The following KYAT1 variants were observed in gnomAD, a reference collection of about 807,000 sequenced individuals.
The protein encoded by KYAT1 is kynurenine--oxoglutarate transaminase 1.
KYAT1 carries 47 observed loss-of-function variants against 52.4 expected under a neutral mutation model. That is an observed-to-expected ratio of 0.90 (90% CI 0.71 to 1.14). KYAT1 has a LOEUF of 1.14. Ranked by LOEUF, KYAT1 falls within the 50% of genes most tolerant of loss-of-function variation. The pLI is 0.00. For missense variants in KYAT1, 480 were observed against 557.9 expected (o/e 0.86, Z 1.41); for synonymous variants, 212 against 209.6 (o/e 1.01, Z -0.10).
intron 1 of KYAT1, among the ~76,000 whole-genome samples, chr9:128,861,116 C>A (rs1486661053): frequency 6.6e-6 from 1 of 152,226 alleles, no homozygotes; most frequent in Non-Finnish European, 1.5e-5. Context: ...GTGATATCTG[C>A]CAAACGCAAT....
At chr9:128,875,443 G>A (rs555684983) in intron 1 of KYAT1, among the ~76,000 whole-genome samples, 44 of 151,580 alleles carry the variant, frequency 2.9e-4, no homozygotes, top group Non-Finnish European at 5.9e-4. Context: ...GTGAAACCGC[G>A]TCTCTACAAA....
intron 1 of KYAT1, chr9:128,846,734 T>G (rs947337249): frequency 2.0e-6 from 3 of 1,535,292 alleles, no homozygotes; most frequent in African/African-American, 1.4e-5. Context: ...TCAGAATCCC[T>G]TCAGCAGCAG....
chr9:128,858,795 G>A (rs1161879575), intron 1 of KYAT1, among the ~76,000 whole-genome samples: 2 of 151,770 alleles, frequency 1.3e-5, no homozygotes, highest in Non-Finnish European at 2.9e-5. Context: ...ATCACTTGAG[G>A]TCAGGAGTTT....
intron 1 of KYAT1, among the ~76,000 whole-genome samples, chr9:128,873,058 A>G (rs1402852069): frequency 6.7e-6 from 1 of 150,202 alleles, no homozygotes; most frequent in African/African-American, 2.5e-5. Context: ...CCTGGGTGAC[A>G]GAGTGAGACT....
Position 128,833,407 on chromosome 9 carries a change from G to A in KYAT1, c.*177C>T. On this transcript the variant is annotated 3_prime_UTR_variant, in exon 13 of 13. Transcript: ENST00000302586. ...CTCACCTTTCAGACAGGAGGCACTT[G>A]GTTCTCTAAGATGAAGAAGGGCGGC... 1.5e-6 allele frequency: 1 copy of A among 675,484 alleles called. No homozygotes were observed. Among genetic ancestry groups the A allele is most frequent in the South Asian group, 1.8e-5 (1 of 56,094 alleles). The allele number at this position is 675,484 out of a possible 1,614,324, so 41.8% of individuals were successfully genotyped here. A position where few individuals can be genotyped will look rare whatever the true frequency, so the allele number is the denominator to read the frequency against.
In KYAT1 at chr9:128,838,340, C is replaced by T; in HGVS notation, c.229G>A (p.Ala77Thr). Residue 77 changes from alanine (A) to threonine (T), a missense_variant, in exon 4 of 13, where the codon GCA (alanine) becomes ACA (threonine). Transcript: ENST00000302586. Reference sequence around the variant, plus strand: ...CCCAGCAGCTCCCCAAAGAAACTTGCCAGGATCTTCGTCAGTGGTGGGTAA... The same window carrying T: ...CCCAGCAGCTCCCCAAAGAAACTTGTCAGGATCTTCGTCAGTGGTGGGTAA... ...FGYPPLTKIL[A>T]SFFGELLGQE... 1 of 1,614,130 alleles carries T rather than the reference C, an allele frequency of 6.2e-7. No homozygotes were observed. The highest frequency in any genetic ancestry group is 8.5e-7 in the Non-Finnish European group (1 of 1,180,018).
At chr9:128,857,980 G>C (rs1834898943) in intron 1 of KYAT1, among the ~76,000 whole-genome samples, 1 of 152,072 alleles carries the variant, frequency 6.6e-6, no homozygotes, top group Admixed American at 6.6e-5. Context: ...AAATAAACTG[G>C]ACCTCATCAA....
intron 1 of KYAT1, among the ~76,000 whole-genome samples, chr9:128,854,541 C>T (rs1002074185): frequency 6.6e-6 from 1 of 152,178 alleles, no homozygotes; most frequent in African/African-American, 2.4e-5. Flanking sequence ...CCGACCTGGG[C>T]CCAGCTAAAG....
At chr9:128,863,459 C>T (rs986061263) in intron 1 of KYAT1, among the ~76,000 whole-genome samples, 2 of 151,630 alleles carry the variant, frequency 1.3e-5, no homozygotes, top group African/African-American at 4.8e-5. Context: ...ATAACAACAC[C>T]CTTTCTCTAC....
intron 1 of KYAT1, among the ~76,000 whole-genome samples, chr9:128,861,827 C>G (rs1418266600): frequency 6.6e-6 from 1 of 152,216 alleles, no homozygotes; most frequent in African/African-American, 2.4e-5. Context: ...TGCCCTCTGC[C>G]TGTTCTATGA....
rs1367003595 is a variant in KYAT1 at position 128,837,005 on chromosome 9, C to T, written c.568-83G>A. On this transcript the variant is annotated intron_variant, in intron 6 of 12. Coordinates refer to ENST00000302586, the MANE Select transcript of KYAT1 (RefSeq NM_004059.5). Reference sequence around the variant, plus strand: ...GCCTACTCAGAGAGGTTAAAGAACACAGCTGCGGCCAGGTGCGGTGGCTCA... The same window carrying T: ...GCCTACTCAGAGAGGTTAAAGAACATAGCTGCGGCCAGGTGCGGTGGCTCA... 6 of 1,526,924 alleles carry T rather than the reference C, an allele frequency of 3.9e-6. No homozygotes were observed. The African/African-American group carries it at 4.1e-5, about 10-fold the overall frequency. The allele number at this position is 1,526,924 out of a possible 1,614,324, so 94.6% of individuals were successfully genotyped here. A position where few individuals can be genotyped will look rare whatever the true frequency, so the allele number is the denominator to read the frequency against.
At position 128,843,661 on chromosome 9, in the gene KYAT1, C is replaced by T. The variant is rs35346623; in HGVS notation, c.54-860G>A. On this transcript the variant is annotated intron_variant, in intron 2 of 12. Transcript: ENST00000302586. ...CCTCTCAAAGTGCTAGCAGTACAGG[C>T]GTGAGCCACCACTACCGGCCAAGAA... Among the ~76,000 whole-genome samples, 153 of 152,244 alleles carry T rather than the reference C, an allele frequency of 1.0e-3. 2 individuals are homozygous for T. The South Asian group carries it at 0.013, about 13-fold the overall frequency.
intron 1 of KYAT1, among the ~76,000 whole-genome samples, chr9:128,863,768 C>T (rs929363715): frequency 6.6e-6 from 1 of 152,142 alleles, no homozygotes; most frequent in Non-Finnish European, 1.5e-5. Flanking sequence ...GGAGCCAGGC[C>T]CCTCGTGGCT....
intron 3 of KYAT1, among the ~76,000 whole-genome samples, chr9:128,840,909 T>A (rs959717762): frequency 8.5e-5 from 13 of 152,204 alleles, no homozygotes; most frequent in Admixed American, 7.2e-4. Context: ...TAGTTTTACC[T>A]CCAGGAATTT....
chr9:128,868,155 T>C (rs922106847), intron 1 of KYAT1, among the ~76,000 whole-genome samples: 1 of 151,452 alleles, frequency 6.6e-6, no homozygotes, highest in Non-Finnish European at 1.5e-5. Flanking sequence ...AGCCCAGTAA[T>C]AAACCCAAAC....
chr9:128,851,191 C>T (rs1833911469), intron 1 of KYAT1, among the ~76,000 whole-genome samples: 1 of 152,188 alleles, frequency 6.6e-6, no homozygotes, highest in African/African-American at 2.4e-5. Context: ...TCTCTCATCC[C>T]ACCTGACGAG....
chr9:128,880,826 A>C (rs985311585), intron 1 of KYAT1, among the ~76,000 whole-genome samples: 4 of 152,158 alleles, frequency 2.6e-5, no homozygotes, highest in Non-Finnish European at 5.9e-5. Context: ...CTCCCAACAG[A>C]AGTGAAACTA....
intron 1 of KYAT1, among the ~76,000 whole-genome samples, chr9:128,868,389 T>C (rs1361513559): frequency 1.3e-5 from 2 of 151,978 alleles, no homozygotes; most frequent in East Asian, 3.9e-4. Context: ...GATTTTTTTT[T>C]CCTTTTTTTC....
At chr9:128,882,156 A>C (rs1158940574), upstream of KYAT1, 16 of 152,524 alleles carry the variant, frequency 1.0e-4, no homozygotes, top group Non-Finnish European at 4.4e-5. Context: ...AGGGACAAAC[A>C]AAAGGAGGCG....
Sources: gnomAD v4.1 joint callset for allele counts (sites outside exome capture counted in the v4.1 genomes callset) on GRCh38, gnomAD v4.1.1 for gene constraint, MANE v1.5 for transcripts, NCBI Gene and HGNC (gene_info 2026-07-23, HGNC 2026-07-21) for gene names.